The following ZBTB7C variants were observed in gnomAD, a reference collection of about 807,000 sequenced individuals.
The protein encoded by ZBTB7C is zinc finger and BTB domain-containing protein 7C.
In ZBTB7C, 8 loss-of-function variants were observed where a neutral mutation model predicts 25.7. That is an observed-to-expected ratio of 0.31 (90% CI 0.18 to 0.56). The LOEUF is 0.56. Ranked by LOEUF, ZBTB7C falls within the 20% of genes least tolerant of loss-of-function variation. The pLI is 0.91. For missense variants in ZBTB7C, 824 were observed against 855.2 expected, an observed-to-expected ratio of 0.96 and a Z score of 0.46; for synonymous variants, 394 against 369.0, an observed-to-expected ratio of 1.07 and a Z score of -0.78.
chr18:48,034,524 C>A (rs1026518507), intron 4 of ZBTB7C, among the ~76,000 whole-genome samples: 2 of 152,108 alleles, frequency 1.3e-5, no homozygotes, highest in African/African-American at 2.4e-5. Context: ...CCCAGCCCTC[C>A]TCCTCCCAGC....
intron 3 of ZBTB7C, among the ~76,000 whole-genome samples, chr18:48,073,713 G>C (rs1033066239): frequency 1.3e-5 from 2 of 151,426 alleles, no homozygotes; most frequent in African/African-American, 4.9e-5. Context: ...GTGGCTGGCC[G>C]GCTGGCCTCC....
At chr18:48,377,545 C>T (rs2047547753) in intron 1 of ZBTB7C, among the ~76,000 whole-genome samples, 1 of 152,206 alleles carries the variant, frequency 6.6e-6, no homozygotes, top group Non-Finnish European at 1.5e-5. Context: ...CTGGGCCCAA[C>T]CAGAACAGAA....
At chr18:48,231,948 C>T (rs2145353333) in intron 2 of ZBTB7C, among the ~76,000 whole-genome samples, 1 of 152,324 alleles carries the variant, frequency 6.6e-6, no homozygotes, top group East Asian at 1.9e-4. Context: ...TGGTGCTGCC[C>T]ACCCTGCTGC....
At chr18:48,280,281 A>G (rs1286995275) in intron 2 of ZBTB7C, among the ~76,000 whole-genome samples, 2 of 152,032 alleles carry the variant, frequency 1.3e-5, no homozygotes, top group Admixed American at 6.5e-5. Context: ...GACTTCACCC[A>G]TAACTGAGGG....
intron 2 of ZBTB7C, among the ~76,000 whole-genome samples, chr18:48,210,751 T>C (rs1163468022): frequency 1.3e-5 from 2 of 152,150 alleles, no homozygotes; most frequent in African/African-American, 2.4e-5. Context: ...GTTGCAAAAC[T>C]CCATGAATGT....
chr18:48,250,609 C>A (rs1057068302), intron 2 of ZBTB7C, among the ~76,000 whole-genome samples: 1 of 152,018 alleles, frequency 6.6e-6, no homozygotes, highest in African/African-American at 2.4e-5. Context: ...TGGGACAGAA[C>A]CTTTTTGCAT....
chr18:48,181,209 A>AGGACT (rs1161544537), intron 3 of ZBTB7C, among the ~76,000 whole-genome samples: 2 of 152,192 alleles, frequency 1.3e-5, no homozygotes, highest in East Asian at 1.9e-4. Flanking sequence ...GCAGATAGTA[A>AGGACT]GGACTGGACT....
intron 1 of ZBTB7C, among the ~76,000 whole-genome samples, chr18:48,399,960 A>C (rs1409174390): frequency 6.6e-6 from 1 of 152,124 alleles, no homozygotes; most frequent in Admixed American, 6.5e-5. Context: ...CAGAGCTGAA[A>C]AATGTCCTTT....
At chr18:48,088,561 C>T (rs1192372719) in intron 3 of ZBTB7C, among the ~76,000 whole-genome samples, 5 of 152,230 alleles carry the variant, frequency 3.3e-5, no homozygotes, top group African/African-American at 1.2e-4. Flanking sequence ...GCCCTAGTGG[C>T]TCACACCTAT....
chr18:48,232,790 A>T (rs1398886485), intron 2 of ZBTB7C, among the ~76,000 whole-genome samples: 3 of 152,156 alleles, frequency 2.0e-5, no homozygotes, highest in Non-Finnish European at 4.4e-5. Context: ...TATTATTCTC[A>T]GCAGTTTCAT....
At position 48,326,826 on chromosome 18, in the gene ZBTB7C, G is replaced by A. The variant is rs180946621; in HGVS notation, c.-79+11348C>T. Among the ~76,000 whole-genome samples the A allele has an allele frequency of 1.5e-4, 23 of 152,308 alleles. No homozygotes were observed. The East Asian group carries it at 1.5e-3, about 10-fold the overall frequency. On this transcript the variant is annotated intron_variant, in intron 2 of 4. Transcript: ENST00000590800. The stretch of plus-strand genomic sequence containing the variant: ...AGGGATGGAGTAGAAAAAGACAGAG[G>A]TGAGAGTGAGAAATCTTAGTGTATA...
At chr18:48,363,093 T>C (rs2047146408) in intron 1 of ZBTB7C, among the ~76,000 whole-genome samples, 2 of 152,216 alleles carry the variant, frequency 1.3e-5, no homozygotes, top group African/African-American at 2.4e-5. Context: ...TAGAGGGCAG[T>C]GTGGGATCGA....
At chr18:48,168,110 C>G (rs1325933291) in intron 3 of ZBTB7C, among the ~76,000 whole-genome samples, 1 of 152,232 alleles carries the variant, frequency 6.6e-6, no homozygotes, top group Non-Finnish European at 1.5e-5. Context: ...TCTTATCAGG[C>G]TCCAACCTAT....
intron 1 of ZBTB7C, among the ~76,000 whole-genome samples, chr18:48,367,037 G>A (rs1225892081): frequency 6.6e-6 from 1 of 151,284 alleles, no homozygotes; most frequent in Non-Finnish European, 1.5e-5. Flanking sequence ...TATTCCTTTT[G>A]TACTATATAA....
chr18:48,367,202 T>TATATATATATATAC (rs1302394192), intron 1 of ZBTB7C, among the ~76,000 whole-genome samples: 83 of 63,358 alleles, frequency 1.3e-3, no homozygotes, highest in East Asian at 4.5e-3. Flanking sequence ...TATATATATA[T>TATATATATATATAC]ACACACACAC....
intron 2 of ZBTB7C, among the ~76,000 whole-genome samples, chr18:48,192,067 GATAA>G (rs1454287412): frequency 5.9e-5 from 9 of 152,136 alleles, no homozygotes; most frequent in East Asian, 1.9e-4. Flanking sequence ...TAGCTGAGTG[GATAA>G]ATAAACTGTG....
At chr18:48,107,841 G>C (rs1190297692) in intron 3 of ZBTB7C, among the ~76,000 whole-genome samples, 1 of 152,100 alleles carries the variant, frequency 6.6e-6, no homozygotes, top group Non-Finnish European at 1.5e-5. Context: ...GTGAAGTGAG[G>C]GCAGGTTACC....
intron 4 of ZBTB7C, among the ~76,000 whole-genome samples, chr18:48,037,459 C>T (rs1453487456): frequency 6.6e-6 from 1 of 152,226 alleles, no homozygotes; most frequent in African/African-American, 2.4e-5. Flanking sequence ...ACCAGGACGC[C>T]CACTCCCAGA....
At chr18:48,127,655 AG>A (rs1163726237) in intron 3 of ZBTB7C, among the ~76,000 whole-genome samples, 3 of 152,130 alleles carry the variant, frequency 2.0e-5, no homozygotes, top group African/African-American at 7.2e-5. Context: ...TCCCCACGTG[AG>A]GCTCACTCGA....
Sources: allele counts gnomAD v4.1 joint callset (sites outside exome capture counted in the v4.1 genomes callset), GRCh38; gene constraint gnomAD v4.1.1; transcripts MANE v1.5; gene names NCBI Gene and HGNC (gene_info 2026-07-23, HGNC 2026-07-21).